CTNNA2: variants seen among roughly 807,000 people sequenced by gnomAD.
CTNNA2 encodes catenin alpha 2, also known as catenin alpha-2.
A neutral mutation model predicts 101.0 loss-of-function variants in CTNNA2; 42 were observed. The observed-to-expected ratio is 0.42, with a 90% CI of 0.32 to 0.54. CTNNA2 has a LOEUF of 0.54. CTNNA2 is among the 20% of genes least tolerant of loss of function. The pLI is 0.14. For missense variants in CTNNA2, 871 were observed against 1,223.1 expected, an observed-to-expected ratio of 0.71 and a Z score of 4.29; for synonymous variants, 450 against 456.4, an observed-to-expected ratio of 0.99 and a Z score of 0.18.
chr2:80,028,202 C>T (rs1695064551), intron 7 of CTNNA2: 1 of 152,104 alleles, frequency 6.6e-6, no homozygotes, highest in Non-Finnish European at 1.5e-5. Context: ...TTTCTGCTTT[C>T]CCTCCAGCTC....
intron 12 of CTNNA2, among the ~76,000 whole-genome samples, chr2:80,569,633 G>GTTTTTTTTTCTTTTTTTTTTTTTTTTTT (rs1694378397): frequency 1.9e-5 from 1 of 51,718 alleles, no homozygotes; most frequent in Non-Finnish European, 3.9e-5. Context: ...GGGTATTTAG[G>GTTTTTTTTTCTTTTTTTTTTTTTTTTTT]TTTTTTTTTT....
intron 2 of CTNNA2, among the ~76,000 whole-genome samples, chr2:79,218,420 C>A (rs1328495723): frequency 6.6e-6 from 1 of 151,130 alleles, no homozygotes; most frequent in Non-Finnish European, 1.5e-5. Flanking sequence ...TGGCCTCAAG[C>A]AGTCCTCCTG....
chr2:79,277,145 T>A (rs908977239), intron 2 of CTNNA2, among the ~76,000 whole-genome samples: 1 of 152,138 alleles, frequency 6.6e-6, no homozygotes, highest in Non-Finnish European at 1.5e-5. Context: ...CCTTGGATGA[T>A]ACTTTAAACT....
chr2:79,321,747 A>C (rs1462010996), intron 3 of CTNNA2, among the ~76,000 whole-genome samples: 3 of 152,100 alleles, frequency 2.0e-5, no homozygotes, highest in Non-Finnish European at 2.9e-5. Flanking sequence ...GACAAGGTGC[A>C]GGTCTTTGGA....
chr2:80,228,033 T>C (rs967031994), intron 7 of CTNNA2, among the ~76,000 whole-genome samples: 1 of 152,040 alleles, frequency 6.6e-6, no homozygotes, highest in African/African-American at 2.4e-5. Context: ...GTGTACAGTG[T>C]GTACTGTGTT....
At chr2:79,405,220 C>T (rs1030630613) in intron 4 of CTNNA2, among the ~76,000 whole-genome samples, 3 of 152,070 alleles carry the variant, frequency 2.0e-5, no homozygotes, top group Non-Finnish European at 4.4e-5. Context: ...AAGTTCCATG[C>T]ATGCTATAAC....
chr2:80,365,041 A>G (rs1426727424), intron 7 of CTNNA2, among the ~76,000 whole-genome samples: 2 of 152,074 alleles, frequency 1.3e-5, no homozygotes, highest in Non-Finnish European at 2.9e-5. Context: ...TTCATGTAAC[A>G]TCACTTCTTT....
chr2:80,282,869 G>GT (rs537205465), intron 7 of CTNNA2, among the ~76,000 whole-genome samples: 50 of 150,970 alleles, frequency 3.3e-4, no homozygotes, highest in African/African-American at 8.0e-4. Context: ...GATGGTTCAA[G>GT]TTTTTTTTTC....
At chr2:80,094,666 TC>T (rs1700028691) in intron 7 of CTNNA2, among the ~76,000 whole-genome samples, 2 of 152,180 alleles carry the variant, frequency 1.3e-5, no homozygotes, top group South Asian at 4.1e-4. Context: ...TTTGTTTGTA[TC>T]CTCTTTTATT....
intron 3 of CTNNA2, among the ~76,000 whole-genome samples, chr2:79,830,097 C>T (rs989219812): frequency 4.6e-5 from 7 of 152,084 alleles, no homozygotes; most frequent in Non-Finnish European, 7.3e-5. Flanking sequence ...GGCAGGGAGC[C>T]AGCACAGCTT....
chr2:79,511,945 T>C (rs1228072333), upstream of CTNNA2, among the ~76,000 whole-genome samples: 1 of 152,172 alleles, frequency 6.6e-6, no homozygotes, highest in East Asian at 1.9e-4. Context: ...TTAGCGTCGG[T>C]TGTGTCATAC....
chr2:79,508,955 GTATATATATATATA>G (rs530470576), upstream of CTNNA2, among the ~76,000 whole-genome samples: 1,517 of 89,792 alleles, frequency 0.017, 37 homozygotes, highest in South Asian at 0.019. Context: ...CACCATTGCA[GTATATATATATATA>G]TATATATATA....
intron 8 of CTNNA2, among the ~76,000 whole-genome samples, chr2:80,396,242 G>A (rs540170796): frequency 1.3e-5 from 2 of 152,268 alleles, no homozygotes; most frequent in South Asian, 2.1e-4. Flanking sequence ...GGGACCCAAA[G>A]GTACCATTTA....
chr2:79,571,162 T>C (rs1675437546), intron 1 of CTNNA2, among the ~76,000 whole-genome samples: 1 of 152,188 alleles, frequency 6.6e-6, no homozygotes, highest in Non-Finnish European at 1.5e-5. Flanking sequence ...TTGGCTTAAA[T>C]TATTTCAACA....
At chr2:79,777,327 ATG>A (rs67347678) in intron 3 of CTNNA2, among the ~76,000 whole-genome samples, 41,599 of 139,018 alleles carry the variant, frequency 0.3, 7,070 homozygotes, top group Non-Finnish European at 0.42. Flanking sequence ...AACACTTGTT[ATG>A]TGTGTGTGTG....
intron 3 of CTNNA2, among the ~76,000 whole-genome samples, chr2:79,776,433 C>G (rs1673968634): frequency 6.6e-6 from 1 of 152,070 alleles, no homozygotes; most frequent in Admixed American, 6.6e-5. Context: ...CTTTAGAAAG[C>G]TACACTGAAG....
intron 17 of CTNNA2, chr2:80,618,786 G>T (rs530184977): frequency 1.1e-4 from 23 of 207,752 alleles, no homozygotes; most frequent in African/African-American, 5.2e-4. Flanking sequence ...CACCCCCTTT[G>T]AGCCCCACTA....
In CTNNA2 at chr2:80,511,127, A is replaced by G. The variant is rs542762507; in HGVS notation, c.1291-33855A>G. ...CAGTCATTCTCTGGGAAGTAGACTA[A>G]TAAATTCCTGCTATATTCATCCCTA... On this transcript the variant is annotated intron_variant, in intron 9 of 18. Coordinates refer to ENST00000402739, the MANE Select transcript of CTNNA2 (RefSeq NM_001282597.3). 3.7e-4 allele frequency among the ~76,000 whole-genome samples: 57 copies of G among 152,324 alleles called. 1 individual carries two copies. In the South Asian group the frequency reaches 3.9e-3, roughly 11 times the overall value.
At chr2:80,363,348 A>G (rs968482938) in intron 7 of CTNNA2, among the ~76,000 whole-genome samples, 5 of 152,150 alleles carry the variant, frequency 3.3e-5, no homozygotes, top group Non-Finnish European at 5.9e-5. Flanking sequence ...AAAAATAACT[A>G]AAAATAGCTC....
Sources: allele counts gnomAD v4.1 joint callset (sites outside exome capture counted in the v4.1 genomes callset), GRCh38; gene constraint gnomAD v4.1.1; transcripts MANE v1.5; gene names NCBI Gene and HGNC (gene_info 2026-07-23, HGNC 2026-07-21).